Variants in NPAS2 observed in about 807,000 individuals in gnomAD.
The protein encoded by NPAS2 is neuronal PAS domain protein 2.
Under a neutral mutation model 107.5 loss-of-function variants are expected in NPAS2, and 23 were observed. That is an observed-to-expected ratio of 0.21 (90% CI 0.15 to 0.30). The LOEUF (loss-of-function observed/expected upper bound fraction) is 0.30, where lower values mean the gene tolerates loss of function less well. Ranked by LOEUF, NPAS2 falls within the 10% of genes least tolerant of loss-of-function variation. The pLI is 1.00. For synonymous variants in NPAS2, 403 were observed against 417.5 expected (o/e 0.97, Z 0.42); for missense variants, 756 against 1,043.3 (o/e 0.72, Z 3.79).
Position 100,842,999 on chromosome 2 carries a change from T to C in NPAS2, c.-23+22585T>C, listed in dbSNP as rs1325427723. On this transcript the variant is annotated intron_variant, in intron 1 of 20. Transcript: ENST00000335681. The stretch of plus-strand genomic sequence containing the variant: ...ACTTTGGGAGTCTGAGGCAGGCAGA[T>C]CATGAGGTCAAGAGATTGAGACCAT... Among the ~76,000 whole-genome samples the C allele has an allele frequency of 2.0e-5, 3 of 152,120 alleles. No homozygotes were observed. The South Asian group carries it at 6.2e-4, about 32-fold the overall frequency.
chr2:100,882,802 C>T (rs2309993), intron 1 of NPAS2, among the ~76,000 whole-genome samples: 52,051 of 152,034 alleles, frequency 0.34, 9,479 homozygotes, highest in African/African-American at 0.45. Flanking sequence ...CTCTCTCACA[C>T]GCACACATGC....
chr2:100,915,999 C>T (rs1682859599), intron 2 of NPAS2, among the ~76,000 whole-genome samples: 1 of 152,044 alleles, frequency 6.6e-6, no homozygotes, highest in Non-Finnish European at 1.5e-5. Context: ...TTCTAGATTC[C>T]ATTTGAAATG....
rs147154645 is a variant in NPAS2, at chr2:100,927,513, C to A, written c.181+2219C>A. ...CAGGTCAAGAAATAGAAGCTCCTTC[C>A]TGTCTTCCTCTGCTTTCCCAAAAGA... On this transcript the variant is annotated intron_variant, in intron 3 of 20. Transcript: ENST00000335681. Among the ~76,000 whole-genome samples the A allele has an allele frequency of 6.6e-5, 10 of 152,352 alleles. No homozygotes were observed. The East Asian group carries it at 1.9e-3, about 29-fold the overall frequency.
chr2:100,833,917 C>G (rs528893869), intron 1 of NPAS2, among the ~76,000 whole-genome samples: 1 of 152,088 alleles, frequency 6.6e-6, no homozygotes, highest in African/African-American at 2.4e-5. Flanking sequence ...TGGTTTTCAA[C>G]GGAACCAGGA....
At chr2:100,993,088 C>A (rs1678231225) in intron 19 of NPAS2, among the ~76,000 whole-genome samples, 1 of 152,120 alleles carries the variant, frequency 6.6e-6, no homozygotes, top group Admixed American at 6.6e-5. Flanking sequence ...CAACATGACA[C>A]CTGGCTAATT....
At chr2:100,989,417 C>G (rs1348525562) in intron 17 of NPAS2, 1 of 152,198 alleles carries the variant, frequency 6.6e-6, no homozygotes, top group Non-Finnish European at 1.5e-5. Flanking sequence ...GAAAATACAG[C>G]CTTTTGATTT....
intron 4 of NPAS2, among the ~76,000 whole-genome samples, chr2:100,936,783 C>A (rs527927093): frequency 1.4e-5 from 1 of 71,586 alleles, no homozygotes; most frequent in East Asian, 1.6e-3. Context: ...GAGTTCAAGA[C>A]CAGCCTGGCC....
chr2:100,966,152 C>T (rs927357927), intron 10 of NPAS2, among the ~76,000 whole-genome samples: 2 of 152,124 alleles, frequency 1.3e-5, no homozygotes, highest in African/African-American at 4.8e-5. Context: ...TAACCATAGG[C>T]CAGATACTGA....
chr2:100,917,523 C>T (rs998613663), intron 2 of NPAS2, among the ~76,000 whole-genome samples: 1 of 151,916 alleles, frequency 6.6e-6, no homozygotes, highest in Non-Finnish European at 1.5e-5. Context: ...AGCGAAACTC[C>T]ATCTAAAAAA....
intron 1 of NPAS2, among the ~76,000 whole-genome samples, chr2:100,867,976 ATTTAATTAATGAAAAT>A (rs1431324517): frequency 1.3e-5 from 2 of 151,980 alleles, no homozygotes; most frequent in Admixed American, 6.5e-5. Context: ...TTAAATTTCA[ATTTAATTAATGAAAAT>A]TTTAAGTTAA....
chr2:100,833,193 A>G (rs1676852303), intron 1 of NPAS2, among the ~76,000 whole-genome samples: 1 of 152,210 alleles, frequency 6.6e-6, no homozygotes, highest in African/African-American at 2.4e-5. Context: ...CATGGCCCAT[A>G]GCAGAAAGCT....
chr2:100,970,747 A>C, intron 11 of NPAS2: 1 of 418,640 alleles, frequency 2.4e-6, no homozygotes, highest in South Asian at 5.1e-5. Flanking sequence ...TGAGAGGGGA[A>C]TAAAGACATC....
At chr2:100,848,348 G>T (rs888254980) in intron 1 of NPAS2, among the ~76,000 whole-genome samples, 1 of 152,142 alleles carries the variant, frequency 6.6e-6, no homozygotes, top group Non-Finnish European at 1.5e-5. Flanking sequence ...ATCATACTTG[G>T]GAGGTAATGT....
rs34968729 is a variant in NPAS2 at position 100,936,979 on chromosome 2, CAAAAAAAAAAA to C, written c.274-762_274-752del. ...CCTGGGTGACAGTGAGACTCCATCT[CAAAAAAAAAAA>C]AAAAAAAAAAACCATGAGCAAAAGT... On this transcript the variant is annotated intron_variant, in intron 4 of 20. Coordinates refer to ENST00000335681, the MANE Select transcript of NPAS2 (RefSeq NM_002518.4). 2.1e-4 allele frequency among the ~76,000 whole-genome samples: 16 copies of C among 74,650 alleles called. No individual in the cohort carries two copies. In the Admixed American group the frequency reaches 2.4e-3, roughly 11 times the overall value. 49.0% of individuals were successfully genotyped at this position (74,650 alleles called of 152,430 possible). A position where few individuals can be genotyped will look rare whatever the true frequency, so the allele number is the denominator to read the frequency against.
chr2:100,927,794 C>G (rs1683680591), intron 3 of NPAS2, among the ~76,000 whole-genome samples: 1 of 152,288 alleles, frequency 6.6e-6, no homozygotes, highest in African/African-American at 2.4e-5. Flanking sequence ...ACACTTTTAC[C>G]TGTTAGTGTG....
intron 1 of NPAS2, among the ~76,000 whole-genome samples, chr2:100,883,549 T>C (rs1220505881): frequency 6.6e-6 from 1 of 152,126 alleles, no homozygotes; most frequent in Non-Finnish European, 1.5e-5. Context: ...AGGACCAGCA[T>C]GAATGGCTCT....
chr2:100,854,690 T>C lies in NPAS2; in HGVS notation c.-23+34276T>C, dbSNP rs377691593. The stretch of plus-strand genomic sequence containing the variant: ...CTCACCCTGCGAGTGAGGTGACAAG[T>C]ACTGTGAGTGACAACCTTGTTAAAA... On this transcript the variant is annotated intron_variant, in intron 1 of 20. Coordinates refer to ENST00000335681, the MANE Select transcript of NPAS2 (RefSeq NM_002518.4). Among the ~76,000 whole-genome samples the C allele has an allele frequency of 5.3e-4, 81 of 152,330 alleles. 1 individual carries two copies. The highest frequency in any genetic ancestry group is 1.9e-3 in the African/African-American group (81 of 41,582).
At chr2:100,964,631 G>A (rs981108862) in intron 8 of NPAS2, among the ~76,000 whole-genome samples, 1 of 152,212 alleles carries the variant, frequency 6.6e-6, no homozygotes, top group Non-Finnish European at 1.5e-5. Flanking sequence ...AATGGGAAGG[G>A]ATGGTGTGAC....
intron 3 of NPAS2, among the ~76,000 whole-genome samples, chr2:100,926,944 T>TC (rs1281220253): frequency 2.8e-5 from 4 of 145,196 alleles, no homozygotes; most frequent in South Asian, 4.3e-4. Flanking sequence ...TTTCTTTCTT[T>TC]TTTTTTTTTT....
Sources: gnomAD v4.1 joint callset for allele counts (sites outside exome capture counted in the v4.1 genomes callset) on GRCh38, gnomAD v4.1.1 for gene constraint, MANE v1.5 for transcripts, NCBI Gene and HGNC (gene_info 2026-07-23, HGNC 2026-07-21) for gene names.